The following UGT2A1 variants were observed in gnomAD, a reference collection of about 807,000 sequenced individuals.
UGT2A1 encodes UDP-glucuronosyltransferase 2A1.
Under a neutral mutation model 45.4 loss-of-function variants are expected in UGT2A1, and 61 were observed. That is an observed-to-expected ratio of 1.34 (90% CI 1.09 to 1.66). UGT2A1 has a LOEUF of 1.66. Ranked by LOEUF, UGT2A1 falls within the 40% of genes most tolerant of loss-of-function variation. The pLI, the probability that UGT2A1 is intolerant of heterozygous loss-of-function variation, is 0.00. For missense variants in UGT2A1, 649 were observed against 574.3 expected (o/e 1.13, Z -1.33); for synonymous variants, 229 against 196.2 (o/e 1.17, Z -1.40).
chr4:69,613,932 G>T (rs1720216365), intron 3 of UGT2A1, among the ~76,000 whole-genome samples: 1 of 151,956 alleles, frequency 6.6e-6, no homozygotes. Context: ...TAGGATATGT[G>T]CTTTCACAAC....
intron 3 of UGT2A1, among the ~76,000 whole-genome samples, chr4:69,617,497 T>G (rs1355238031): frequency 2.0e-5 from 3 of 151,944 alleles, no homozygotes; most frequent in Non-Finnish European, 2.9e-5. Context: ...AAAACCAAGA[T>G]GAACACACAC....
chr4:69,626,323 G>T (rs10023821), intron 3 of UGT2A1, among the ~76,000 whole-genome samples: 52,960 of 150,648 alleles, frequency 0.35, 9,649 homozygotes, highest in African/African-American at 0.43. Flanking sequence ...GACTCTATTT[G>T]GATGATGTTT....
intron 4 of UGT2A1, chr4:69,596,208 A>G: frequency 6.9e-7 from 1 of 1,447,742 alleles, no homozygotes; most frequent in Non-Finnish European, 9.2e-7. Flanking sequence ...TGTCTCTCCC[A>G]TTAGTAAAAA....
intron 2 of UGT2A1, among the ~76,000 whole-genome samples, chr4:69,644,250 A>C (rs1722158856): frequency 6.6e-6 from 1 of 151,736 alleles, no homozygotes; most frequent in Admixed American, 6.6e-5. Context: ...ATAAAATGGA[A>C]CATGTGATTC....
At chr4:69,596,000 T>C (rs970414568) in intron 4 of UGT2A1, among the ~76,000 whole-genome samples, 2 of 152,194 alleles carry the variant, frequency 1.3e-5, no homozygotes, top group South Asian at 2.1e-4. Flanking sequence ...AAGTTTTCAT[T>C]TCTATTCCAT....
chr4:69,606,577 A>G lies in UGT2A1; in HGVS notation c.848-7183T>C, dbSNP rs1719636723. On this transcript the variant is annotated intron_variant, in intron 3 of 6. Transcript: ENST00000286604. ...AGTGTTGGAAGTTCTGGCCAGTGCA[A>G]TCAGGCAGGAGAAGGAAATAAAGGG... 2.2e-5 allele frequency among the ~76,000 whole-genome samples: 3 copies of G among 136,376 alleles called. 1 individual carries two copies. The highest frequency in any genetic ancestry group is 8.9e-5 in the African/African-American group (3 of 33,550). The allele number at this position is 136,376 out of a possible 152,430, so 89.5% of individuals were successfully genotyped here.
At chr4:69,632,576 C>G (rs1351150818) in intron 3 of UGT2A1, among the ~76,000 whole-genome samples, 1 of 152,002 alleles carries the variant, frequency 6.6e-6, no homozygotes, top group Non-Finnish European at 1.5e-5. Context: ...GGAAATCATC[C>G]TTAGTGAATA....
chr4:69,626,786 GA>G (rs1258508393), intron 3 of UGT2A1, among the ~76,000 whole-genome samples: 3 of 151,690 alleles, frequency 2.0e-5, no homozygotes, highest in Non-Finnish European at 4.4e-5. Flanking sequence ...AAATATTAAT[GA>G]ATTTTATTTT....
Position 69,647,546 on chromosome 4 carries a change from C to G in UGT2A1, c.99G>C (p.Trp33Cys). ...CATCTATAATTATCTTAACATTTAG[C>G]CAATGACTACCTTCCATTGGCCAAA... Reference protein sequence around the residue: ...VLIWPMEGSHWLNVKIIIDEL... With the variant: ...VLIWPMEGSHCLNVKIIIDEL... Residue 33 changes from tryptophan to cysteine, a missense_variant, in exon 2 of 7, where the codon TGG becomes TGC. By Grantham distance (215) the Trp-to-Cys change is radical. Transcript: ENST00000286604. 6.2e-7 allele frequency: 1 copy of G among 1,612,556 alleles called. No individual in the cohort carries two copies. The highest frequency in any genetic ancestry group is 1.1e-5 in the South Asian group (1 of 90,956).
rs755749922 is a variant in UGT2A1 at position 69,639,460 on chromosome 4, C to A, written c.716-3638G>T. 3 of 1,613,066 alleles carry A rather than the reference C, an allele frequency of 1.9e-6. No homozygotes were observed. The South Asian group carries it at 3.3e-5, about 18-fold the overall frequency. ...AATAGAGTTGCTGATGAAGCCAGTACAGTCACATTGTGATTTCTTTGAATC... is the reference window on the plus strand; with the variant it reads ...AATAGAGTTGCTGATGAAGCCAGTAAAGTCACATTGTGATTTCTTTGAATC... On this transcript the variant is annotated intron_variant, in intron 2 of 6. Coordinates refer to ENST00000286604, the MANE Select transcript of UGT2A1 (RefSeq NM_001252275.3).
intron 3 of UGT2A1, among the ~76,000 whole-genome samples, chr4:69,615,039 C>A (rs62306196): frequency 0.14 from 21,068 of 151,764 alleles, 1,658 homozygotes; most frequent in Non-Finnish European, 0.18. Context: ...CTCACTATCA[C>A]AAGAAGAGCA....
intron 2 of UGT2A1, among the ~76,000 whole-genome samples, chr4:69,638,735 A>T (rs1159927560): frequency 6.6e-6 from 1 of 152,150 alleles, no homozygotes; most frequent in Non-Finnish European, 1.5e-5. Context: ...TTCATTGTTA[A>T]GGATTTATTC....
intron 3 of UGT2A1, among the ~76,000 whole-genome samples, chr4:69,614,136 C>T (rs1720233343): frequency 7.9e-6 from 1 of 126,990 alleles, no homozygotes; most frequent in Admixed American, 7.7e-5. Flanking sequence ...AGTTCCAGGA[C>T]ACAAAATCAA....
At chr4:69,620,181 G>C (rs1720659319) in intron 3 of UGT2A1, among the ~76,000 whole-genome samples, 1 of 151,972 alleles carries the variant, frequency 6.6e-6, no homozygotes, top group African/African-American at 2.4e-5. Flanking sequence ...TAGGAAGAGA[G>C]AAAGTCAAAC....
intron 1 of UGT2A1, 26 bp downstream of exon 1, chr4:69,653,162 T>C (rs1388950080): frequency 6.6e-6 from 1 of 152,186 alleles, no homozygotes; most frequent in Non-Finnish European, 1.5e-5. Flanking sequence ...TTATATTGAT[T>C]ATCATGAAGT....
chr4:69,627,463 AGCAGGCAGGCAG>A (rs1002480493), intron 3 of UGT2A1, among the ~76,000 whole-genome samples: 5 of 63,832 alleles, frequency 7.8e-5, no homozygotes, highest in Non-Finnish European at 1.3e-4. Context: ...CAGACAGGCA[AGCAGGCAGGCAG>A]GCAGGCAGGC....
At chr4:69,600,698 G>A (rs1719230590) in intron 3 of UGT2A1, among the ~76,000 whole-genome samples, 2 of 151,964 alleles carry the variant, frequency 1.3e-5, no homozygotes, top group Admixed American at 1.3e-4. Context: ...TCTGCTTCTG[G>A]GGAGGCCTCA....
chr4:69,642,919 C>T (rs867768222), intron 2 of UGT2A1, among the ~76,000 whole-genome samples: 1 of 151,104 alleles, frequency 6.6e-6, no homozygotes, highest in South Asian at 2.1e-4. Context: ...ACATTTTTCT[C>T]CCCTTAAATG....
intron 3 of UGT2A1, among the ~76,000 whole-genome samples, chr4:69,620,623 T>C (rs1307456473): frequency 1.6e-5 from 2 of 126,084 alleles, no homozygotes; most frequent in African/African-American, 5.8e-5. Flanking sequence ...GAATTAGAAA[T>C]AAAAAACTAT....
Sources: allele counts gnomAD v4.1 joint callset (sites outside exome capture counted in the v4.1 genomes callset), GRCh38; gene constraint gnomAD v4.1.1; transcripts MANE v1.5; gene names NCBI Gene and HGNC (gene_info 2026-07-23, HGNC 2026-07-21).